The following TMEM9 variants were observed in gnomAD, a reference collection of about 807,000 sequenced individuals.
TMEM9 encodes proton-transporting V-type ATPase complex assembly regulator TMEM9.
A neutral mutation model predicts 22.8 loss-of-function variants in TMEM9; 13 were observed. The observed-to-expected ratio is 0.57, with a 90% confidence interval of 0.37 to 0.91. TMEM9 has a LOEUF of 0.91. TMEM9 is among the 40% of genes least tolerant of loss of function. TMEM9 has a pLI of 0.01. For missense variants in TMEM9, 182 were observed against 238.1 expected, an observed-to-expected ratio of 0.76 and a Z score of 1.55; for synonymous variants, 88 against 93.0, an observed-to-expected ratio of 0.95 and a Z score of 0.31.
chr1:201,170,183 T>G (rs1452254137), intron 1 of TMEM9, among the ~76,000 whole-genome samples: 1 of 152,200 alleles, frequency 6.6e-6, no homozygotes. Flanking sequence ...CTCAGGTCAC[T>G]ATTCAGCATT....
chr1:201,151,724 G>A (rs946096106), intron 2 of TMEM9, 37 bp downstream of exon 2: 3 of 1,512,932 alleles, frequency 2.0e-6, no homozygotes, highest in South Asian at 1.1e-5. Context: ...AACTTCAACT[G>A]GGTATAGCAG....
chr1:201,154,132 G>A lies in TMEM9; in HGVS notation c.-209C>T. 1 of 590,410 alleles carries A rather than the reference G, an allele frequency of 1.7e-6. No homozygotes were observed. Among genetic ancestry groups the A allele is most frequent in the South Asian group, 2.1e-5 (1 of 47,596 alleles). 36.6% of individuals were successfully genotyped at this position (590,410 alleles called of 1,614,324 possible). On this transcript the variant is annotated 5_prime_UTR_variant, in exon 1 of 5. Transcript: ENST00000367330. Reference sequence around the variant, plus strand: ...TGCTTCCCTCCCGCCCAACTCTCCGGCTCTCCGCCAGCCACCTGGTGAGCC... The same window carrying A: ...TGCTTCCCTCCCGCCCAACTCTCCGACTCTCCGCCAGCCACCTGGTGAGCC...
At chr1:201,140,762 G>A (rs1356428918) in intron 4 of TMEM9, among the ~76,000 whole-genome samples, 1 of 152,164 alleles carries the variant, frequency 6.6e-6, no homozygotes, top group African/African-American at 2.4e-5. Context: ...TCATCGAGTT[G>A]TACAGGCCTA....
At chr1:201,139,942 G>C (rs1035920030) in intron 4 of TMEM9, among the ~76,000 whole-genome samples, 3 of 152,236 alleles carry the variant, frequency 2.0e-5, no homozygotes, top group Non-Finnish European at 4.4e-5. Context: ...AGAAGCGTCT[G>C]TTGAACCGCA....
chr1:201,149,899 G>A (rs942678361), intron 2 of TMEM9, among the ~76,000 whole-genome samples: 4 of 152,120 alleles, frequency 2.6e-5, no homozygotes, highest in Non-Finnish European at 5.9e-5. Context: ...CTAGAATCCT[G>A]GAGTCTTTCC....
Position 201,154,124 on chromosome 1 carries a change from A to C in TMEM9, c.-201T>G. The C allele has an allele frequency of 3.3e-6, 2 of 601,244 alleles. No homozygotes were observed. The highest frequency in any genetic ancestry group is 3.4e-5 in the Admixed American group (1 of 29,530). The allele number at this position is 601,244 out of a possible 1,614,324, so 37.2% of individuals were successfully genotyped here. ...CCAAACCCTGCTTCCCTCCCGCCCA[A>C]CTCTCCGGCTCTCCGCCAGCCACCT... On this transcript the variant is annotated 5_prime_UTR_variant, in exon 1 of 5. Coordinates refer to ENST00000367330, the MANE Select transcript of TMEM9 (RefSeq NM_001288565.2).
intron 4 of TMEM9, among the ~76,000 whole-genome samples, chr1:201,141,807 AAG>A (rs1034409858): frequency 6.6e-6 from 1 of 152,140 alleles, no homozygotes; most frequent in African/African-American, 2.4e-5. Context: ...TCCTGGGGGT[AAG>A]AGAGACCTGG....
upstream of TMEM9, among the ~76,000 whole-genome samples, chr1:201,156,968 C>T (rs1305613485): frequency 1.3e-5 from 2 of 152,156 alleles, no homozygotes; most frequent in African/African-American, 4.8e-5. Context: ...GTGAAGCAGC[C>T]TTGTTGTCTG....
At chr1:201,137,470 TAACA>T (rs1331198835) in intron 4 of TMEM9, among the ~76,000 whole-genome samples, 2 of 98,748 alleles carry the variant, frequency 2.0e-5, no homozygotes, top group Non-Finnish European at 4.0e-5. Context: ...CCAAATTATC[TAACA>T]CACACACACA....
Position 201,170,995 on chromosome 1 carries a change from T to C in TMEM9, c.-37+495A>G, listed in dbSNP as rs562874517. The stretch of plus-strand genomic sequence containing the variant: ...GCCAGCAGGTGTTACCTGAGTAAGA[T>C]TGAGATTCTCTCACCAGGCGACAAG... On this transcript the variant is annotated intron_variant, in intron 1 of 5. Coordinates refer to the TMEM9 transcript ENST00000367333. Among the ~76,000 whole-genome samples, 185 of 152,352 alleles carry C rather than the reference T, an allele frequency of 1.2e-3. 1 individual carries two copies. Among genetic ancestry groups the C allele is most frequent in the African/African-American group, 3.7e-3 (153 of 41,594 alleles).
At chr1:201,171,332 C>T (rs1666205287) in intron 1 of TMEM9, among the ~76,000 whole-genome samples, 1 of 152,214 alleles carries the variant, frequency 6.6e-6, no homozygotes, top group African/African-American at 2.4e-5. Flanking sequence ...CGCTGGGTCC[C>T]AGGCGCCGCG....
rs1665648681 is a variant in TMEM9, at chr1:201,154,021, G to A, written c.-98C>T. The A allele has an allele frequency of 1.7e-5, 24 of 1,414,534 alleles. No homozygotes were observed. The highest frequency in any genetic ancestry group is 2.1e-5 in the Non-Finnish European group (22 of 1,052,742). 87.6% of individuals were successfully genotyped at this position (1,414,534 alleles called of 1,614,324 possible). On this transcript the variant is annotated 5_prime_UTR_variant, in exon 1 of 5. Coordinates refer to ENST00000367330, the MANE Select transcript of TMEM9 (RefSeq NM_001288565.2). ...TGGCCACACCGCAGCCAGCACGCTA[G>A]GCCCTTAACCATCCGGCCAAGTGGG...
chr1:201,160,740 TC>T (rs1490253286), intron 1 of TMEM9, among the ~76,000 whole-genome samples: 1 of 151,756 alleles, frequency 6.6e-6, no homozygotes, highest in Non-Finnish European at 1.5e-5. Flanking sequence ...ATCGAGAACA[TC>T]CTGGCTAACA....
intron 1 of TMEM9, among the ~76,000 whole-genome samples, chr1:201,153,500 T>C (rs1262056252): frequency 6.6e-6 from 1 of 152,238 alleles, no homozygotes; most frequent in African/African-American, 2.4e-5. Context: ...TCATTTTTTA[T>C]GTGCAAATAC....
chr1:201,157,406 T>C (rs1665829139), upstream of TMEM9, among the ~76,000 whole-genome samples: 1 of 152,146 alleles, frequency 6.6e-6, no homozygotes, highest in South Asian at 2.1e-4. Context: ...TTTCTATGAG[T>C]GCAGCTGCCA....
chr1:201,164,804 A>C (rs1464105824), intron 1 of TMEM9, among the ~76,000 whole-genome samples: 1 of 152,044 alleles, frequency 6.6e-6, no homozygotes, highest in Non-Finnish European at 1.5e-5. Context: ...GTGGCTTATG[A>C]ACATCAAAGA....
At chr1:201,157,275 T>A (rs1299731280), upstream of TMEM9, among the ~76,000 whole-genome samples, 1 of 152,184 alleles carries the variant, frequency 6.6e-6, no homozygotes, top group Admixed American at 6.5e-5. Context: ...ATCTTTATTA[T>A]GCAGGTGGTT....
intron 4 of TMEM9, 29 bp from the exon 5 acceptor site, chr1:201,135,844 C>G (rs1172891620): frequency 6.4e-7 from 1 of 1,565,178 alleles, no homozygotes; most frequent in African/African-American, 1.4e-5. Context: ...AAGAGAAGAT[C>G]TGGCACGGTA....
intron 2 of TMEM9, among the ~76,000 whole-genome samples, chr1:201,147,545 C>T (rs1024957538): frequency 2.0e-5 from 3 of 152,210 alleles, no homozygotes; most frequent in African/African-American, 7.2e-5. Context: ...GGCCCTCATC[C>T]TATCTTCCTC....
Sources: gnomAD v4.1 joint callset for allele counts (sites outside exome capture counted in the v4.1 genomes callset) on GRCh38, gnomAD v4.1.1 for gene constraint, MANE v1.5 for transcripts, NCBI Gene and HGNC (gene_info 2026-07-23, HGNC 2026-07-21) for gene names.